PLPPR4: variants seen among roughly 807,000 people sequenced by gnomAD.
PLPPR4 encodes phospholipid phosphatase-related protein type 4.
PLPPR4 carries 24 observed loss-of-function variants against 56.6 expected under a neutral mutation model. The observed-to-expected ratio is 0.42, with a 90% confidence interval of 0.31 to 0.60. The LOEUF (loss-of-function observed/expected upper bound fraction) is 0.60. Ranked by LOEUF, PLPPR4 falls within the 20% of genes least tolerant of loss-of-function variation. PLPPR4 has a pLI of 0.13. For missense variants in PLPPR4, 654 were observed against 885.8 expected (o/e 0.74, Z 3.32); for synonymous variants, 326 against 328.1 (o/e 0.99, Z 0.07).
chr1:99,284,316 C>A (rs1279850599), intron 1 of PLPPR4, among the ~76,000 whole-genome samples: 1 of 151,748 alleles, frequency 6.6e-6, no homozygotes, highest in Non-Finnish European at 1.5e-5. Flanking sequence ...ATGGGAACAC[C>A]ATGTATAAAA....
intron 6 of PLPPR4, among the ~76,000 whole-genome samples, chr1:99,304,734 C>A (rs1659975517): frequency 6.6e-6 from 1 of 152,118 alleles, no homozygotes; most frequent in African/African-American, 2.4e-5. Flanking sequence ...AATGTTAAAT[C>A]AATATTTTTT....
chr1:99,300,908 G>A lies in PLPPR4; in HGVS notation c.591-1G>A. The stretch of plus-strand genomic sequence containing the variant: ...ATAATTTGACTATCTTCTTTTGGCA[G>A]AAAGTCCTTCCCTTCTCAACATGCA... On this transcript the variant is annotated splice_acceptor_variant, in intron 4 of 6. Transcript: ENST00000370185. LOFTEE classifies it high-confidence loss of function. The A allele has an allele frequency of 6.2e-7, 1 of 1,611,692 alleles. No individual in the cohort carries two copies. Among genetic ancestry groups the A allele is most frequent in the Non-Finnish European group, 8.5e-7 (1 of 1,178,148 alleles).
chr1:99,263,699 T>C (rs1262375310), upstream of PLPPR4, among the ~76,000 whole-genome samples: 2 of 152,186 alleles, frequency 1.3e-5, no homozygotes, highest in Non-Finnish European at 2.9e-5. Flanking sequence ...CTTTAGATTA[T>C]TAATATCTGA....
intron 1 of PLPPR4, among the ~76,000 whole-genome samples, chr1:99,269,484 C>T (rs1048813716): frequency 6.6e-6 from 1 of 152,218 alleles, no homozygotes; most frequent in African/African-American, 2.4e-5. Flanking sequence ...TAGTGCACTT[C>T]CTTTATGCAA....
In PLPPR4 at chr1:99,299,212, C is replaced by G. The variant is rs1382880381; in HGVS notation, c.572C>G (p.Thr191Arg). The G allele has an allele frequency of 1.2e-6, 2 of 1,612,664 alleles. No homozygotes were observed. Among genetic ancestry groups the G allele is most frequent in the Non-Finnish European group, 1.7e-6 (2 of 1,179,110 alleles). The change falls in exon 4 of 7, where the codon ACA becomes AGA. Residue 191 changes from threonine to arginine, a missense_variant. Transcript: ENST00000370185. Reference protein sequence around the residue: ...VEDICSGSDLTVINSGRKSFP... With the variant: ...VEDICSGSDLRVINSGRKSFP... ...GATATTTGCTCAGGATCTGACCTCA[C>G]AGTTATCAACAGTGGCAGGTTAGAA...
chr1:99,268,073 C>T (rs140199762), intron 1 of PLPPR4, among the ~76,000 whole-genome samples: 58 of 152,308 alleles, frequency 3.8e-4, no homozygotes, highest in Non-Finnish European at 5.7e-4. Context: ...TCAAAGGTCA[C>T]GCTCTTCACC....
At chr1:99,289,667 G>C (rs949940950) in intron 2 of PLPPR4, among the ~76,000 whole-genome samples, 3 of 151,822 alleles carry the variant, frequency 2.0e-5, no homozygotes, top group African/African-American at 4.8e-5. Flanking sequence ...TTTTACCAGG[G>C]CAGAAAAACA....
In PLPPR4 at chr1:99,297,579, G is replaced by T. The variant is rs1008910019; in HGVS notation, c.394+712G>T. Among the ~76,000 whole-genome samples, 5 of 152,022 alleles carry T rather than the reference G, an allele frequency of 3.3e-5. No individual in the cohort carries two copies. In the East Asian group the frequency reaches 9.7e-4, roughly 29 times the overall value. ...TTTTCTATTCATTCCCAATAAGTCC[G>T]CATAAAGTTATTTTTACCTGTAACA... On this transcript the variant is annotated intron_variant, in intron 3 of 6. Coordinates refer to ENST00000370185, the MANE Select transcript of PLPPR4 (RefSeq NM_014839.5).
In PLPPR4 at chr1:99,309,080, A is replaced by G. The variant is rs1660121554; in HGVS notation, c.*2070A>G. 1 of 152,622 alleles carries G rather than the reference A, an allele frequency of 6.6e-6. No homozygotes were observed. Among genetic ancestry groups the G allele is most frequent in the South Asian group, 2.1e-4 (1 of 4,830 alleles). 9.5% of individuals were successfully genotyped at this position (152,622 alleles called of 1,614,324 possible). Reference sequence around the variant, plus strand: ...ATATTGATATATTCTTTTTCTACTCAAAGTGCCAAAGGCTACAGTTTTTAA... The same window carrying G: ...ATATTGATATATTCTTTTTCTACTCGAAGTGCCAAAGGCTACAGTTTTTAA... On this transcript the variant is annotated 3_prime_UTR_variant, in exon 7 of 7. Coordinates refer to ENST00000370185, the MANE Select transcript of PLPPR4 (RefSeq NM_014839.5).
intron 4 of PLPPR4, among the ~76,000 whole-genome samples, chr1:99,300,316 G>A (rs819914): frequency 0.45 from 68,026 of 151,558 alleles, 15,553 homozygotes; most frequent in East Asian, 0.62. Context: ...TCTTTAAACT[G>A]TTTAAATAAG....
At chr1:99,305,652 G>C in intron 6 of PLPPR4, 33 bp from the exon 7 acceptor site, 1 of 1,586,174 alleles carries the variant, frequency 6.3e-7, no homozygotes, top group South Asian at 1.2e-5. Context: ...GTCTTCTAGT[G>C]CATGATATTT....
At chr1:99,272,149 A>G (rs1006924474) in intron 1 of PLPPR4, among the ~76,000 whole-genome samples, 1 of 152,202 alleles carries the variant, frequency 6.6e-6, no homozygotes, top group Non-Finnish European at 1.5e-5. Flanking sequence ...TTTGTATTTA[A>G]AAGGTGAGGA....
chr1:99,296,905 T>C (rs1374403131), intron 3 of PLPPR4, 38 bp downstream of exon 3: 1 of 1,491,164 alleles, frequency 6.7e-7, no homozygotes, highest in African/African-American at 1.4e-5. Context: ...AAATGCTTTT[T>C]TTTTTATATT....
At chr1:99,270,447 C>CATT (rs1297907754) in intron 1 of PLPPR4, among the ~76,000 whole-genome samples, 1 of 152,212 alleles carries the variant, frequency 6.6e-6, no homozygotes, top group Non-Finnish European at 1.5e-5. Context: ...AAGAAGAAGC[C>CATT]ATTGCTGCTA....
At position 99,307,313 on chromosome 1, in the gene PLPPR4, C is replaced by G. The variant is rs749602545; in HGVS notation, c.*303C>G. 12 of 309,530 alleles carry G rather than the reference C, an allele frequency of 3.9e-5. No homozygotes were observed. The highest frequency in any genetic ancestry group is 4.8e-5 in the Non-Finnish European group (8 of 167,816). The allele number at this position is 309,530 out of a possible 1,614,324, so 19.2% of individuals were successfully genotyped here. A position where few individuals can be genotyped will look rare whatever the true frequency, so the allele number is the denominator to read the frequency against. The stretch of plus-strand genomic sequence containing the variant: ...GAAAGTGGTTTTCTTCAAATGTATA[C>G]TATTTTACTTCCTGAATGTGCCAAC... On this transcript the variant is annotated 3_prime_UTR_variant, in exon 7 of 7. Coordinates refer to ENST00000370185, the MANE Select transcript of PLPPR4 (RefSeq NM_014839.5).
chr1:99,290,873 A>G (rs1362919153), intron 2 of PLPPR4, among the ~76,000 whole-genome samples: 3 of 152,180 alleles, frequency 2.0e-5, no homozygotes, highest in African/African-American at 7.2e-5. Context: ...CATTCAAGTC[A>G]TAGGCACAGG....
upstream of PLPPR4, chr1:99,264,426 G>T (rs756948461): frequency 1.1e-5 from 16 of 1,461,000 alleles, 1 homozygote; most frequent in South Asian, 2.1e-4. Context: ...GCAAAAAGGG[G>T]CGGGGAGAAG....
intron 2 of PLPPR4, among the ~76,000 whole-genome samples, chr1:99,292,093 T>C (rs1377186323): frequency 6.6e-6 from 1 of 152,178 alleles, no homozygotes; most frequent in Non-Finnish European, 1.5e-5. Flanking sequence ...ACACAAATGA[T>C]CATGCCTCTG....
intron 1 of PLPPR4, among the ~76,000 whole-genome samples, chr1:99,286,407 A>AT (rs1461688218): frequency 1.3e-5 from 2 of 152,220 alleles, no homozygotes. Context: ...GGACTTATAA[A>AT]TAACACTGGC....
Sources: gnomAD v4.1 joint callset for allele counts (sites outside exome capture counted in the v4.1 genomes callset) on GRCh38, gnomAD v4.1.1 for gene constraint, MANE v1.5 for transcripts, NCBI Gene and HGNC (gene_info 2026-07-23, HGNC 2026-07-21) for gene names.